The following ANKS1B variants were observed in gnomAD, a reference collection of about 807,000 sequenced individuals.
The protein encoded by ANKS1B is ankyrin repeat and sterile alpha motif domain-containing protein 1B.
A neutral mutation model predicts 148.3 loss-of-function variants in ANKS1B; 36 were observed. The observed-to-expected ratio is 0.24, with a 90% CI of 0.19 to 0.32. The LOEUF (loss-of-function observed/expected upper bound fraction) is 0.32, where lower values mean the gene tolerates loss of function less well. ANKS1B is among the 10% of genes least tolerant of loss of function. The pLI is 1.00. For missense variants in ANKS1B, 1,157 were observed against 1,542.6 expected (o/e 0.75, Z 4.19); for synonymous variants, 542 against 560.8 (o/e 0.97, Z 0.47).
chr12:99,131,895 C>T (rs2153750904), intron 15 of ANKS1B, among the ~76,000 whole-genome samples: 1 of 152,288 alleles, frequency 6.6e-6, no homozygotes, highest in East Asian at 1.9e-4. Context: ...CTGGGCTGCT[C>T]TCCCCCTGCC....
chr12:99,001,261 TAGCTGGGAGTATAGACCACCATGCTC>T (rs2099932822), intron 17 of ANKS1B, among the ~76,000 whole-genome samples: 2 of 152,186 alleles, frequency 1.3e-5, no homozygotes, highest in Non-Finnish European at 1.5e-5. Flanking sequence ...GTCTCCTGAG[TAGCTGGGAGTATAGACCACCATGCTC>T]AGCTAATTTT....
At chr12:99,780,285 T>C (rs2064127511) in intron 5 of ANKS1B, among the ~76,000 whole-genome samples, 1 of 152,160 alleles carries the variant, frequency 6.6e-6, no homozygotes, top group African/African-American at 2.4e-5. Flanking sequence ...ATGATATCTT[T>C]TTTTTTTTGA....
chr12:99,780,084 T>C (rs1482866253), intron 5 of ANKS1B, 112 bp from the exon 6 acceptor site: 4 of 772,156 alleles, frequency 5.2e-6, no homozygotes, highest in African/African-American at 1.8e-5. Flanking sequence ...GCATTGAAAG[T>C]GATTTTTAAA....
chr12:99,528,445 A>C (rs1443003747), intron 9 of ANKS1B, among the ~76,000 whole-genome samples: 17 of 146,472 alleles, frequency 1.2e-4, no homozygotes, highest in African/African-American at 4.0e-4. Context: ...AAAAAAAAAC[A>C]AAAAAAAAAC....
At chr12:99,013,535 A>G (rs1165203828) in intron 17 of ANKS1B, among the ~76,000 whole-genome samples, 2 of 152,216 alleles carry the variant, frequency 1.3e-5, no homozygotes, top group African/African-American at 2.4e-5. Context: ...AGAGGAAGAA[A>G]TAAAGCGCAT....
intron 9 of ANKS1B, among the ~76,000 whole-genome samples, chr12:99,566,021 T>C (rs2097389254): frequency 6.6e-6 from 1 of 152,172 alleles, no homozygotes; most frequent in African/African-American, 2.4e-5. Context: ...CTGAATACGC[T>C]GACATTTTGA....
At chr12:99,744,560 T>C (rs2060411835) in intron 8 of ANKS1B, among the ~76,000 whole-genome samples, 1 of 152,216 alleles carries the variant, frequency 6.6e-6, no homozygotes. Context: ...ATTCTTTTTT[T>C]ACTCTGCTTA....
chr12:99,113,646 G>T (rs1259723817), intron 15 of ANKS1B, among the ~76,000 whole-genome samples: 2 of 152,124 alleles, frequency 1.3e-5, no homozygotes. Context: ...TTTCACCTCT[G>T]CAATGTCTTG....
chr12:99,431,299 A>G (rs1292862501), intron 11 of ANKS1B, among the ~76,000 whole-genome samples: 3 of 152,200 alleles, frequency 2.0e-5, no homozygotes, highest in Non-Finnish European at 2.9e-5. Context: ...GGATTAAAGT[A>G]GACAGTGTGT....
chr12:99,212,327 C>T (rs539364691), intron 14 of ANKS1B, among the ~76,000 whole-genome samples: 4 of 150,486 alleles, frequency 2.7e-5, no homozygotes, highest in Middle Eastern at 3.2e-3. Flanking sequence ...TAATTTTTTT[C>T]GTACTTTTCC....
chr12:99,187,603 A>C (rs1164081985), intron 14 of ANKS1B, among the ~76,000 whole-genome samples: 1 of 152,230 alleles, frequency 6.6e-6, no homozygotes, highest in Non-Finnish European at 1.5e-5. Context: ...GAGCTTTAAA[A>C]GTGAAGGAGA....
intron 17 of ANKS1B, among the ~76,000 whole-genome samples, chr12:98,941,476 T>C (rs918660857): frequency 7.9e-5 from 12 of 152,354 alleles, no homozygotes; most frequent in East Asian, 1.9e-4. Flanking sequence ...CGCCTGGGCA[T>C]GTATGCATCA....
intron 1 of ANKS1B, among the ~76,000 whole-genome samples, chr12:99,873,715 A>G (rs1384003493): frequency 6.6e-6 from 1 of 152,168 alleles, no homozygotes; most frequent in Non-Finnish European, 1.5e-5. Context: ...GTACCCAGAT[A>G]TTTGATCAAA....
rs374950745 is a variant in ANKS1B, at chr12:99,055,108, C to G, written c.2626-1799G>C. On this transcript the variant is annotated intron_variant, in intron 16 of 26. Transcript: ENST00000683438. Reference sequence around the variant, plus strand: ...ATGTATAAGATCAGAGGCTAGGACCCAAAAGGGAGGCTCATAGATATTCGG... The same window carrying G: ...ATGTATAAGATCAGAGGCTAGGACCGAAAAGGGAGGCTCATAGATATTCGG... Among the ~76,000 whole-genome samples the G allele has an allele frequency of 6.6e-5, 10 of 152,228 alleles. No individual in the cohort carries two copies. The East Asian group carries it at 1.7e-3, about 26-fold the overall frequency.
intron 1 of ANKS1B, among the ~76,000 whole-genome samples, chr12:99,955,809 G>A (rs1603498878): frequency 1.3e-5 from 2 of 152,098 alleles, no homozygotes; most frequent in African/African-American, 4.8e-5. Context: ...CTTAAAAAAA[G>A]TATCCATAAA....
Position 99,404,034 on chromosome 12 carries a change from G to C in ANKS1B, c.1576-4223C>G, listed in dbSNP as rs751485713. ...AGATCATGTCCTTTTCAGGAACATGGTTGGAGACCGAGGCTATTATCCTTA... is the reference window on the plus strand; with the variant it reads ...AGATCATGTCCTTTTCAGGAACATGCTTGGAGACCGAGGCTATTATCCTTA... On this transcript the variant is annotated intron_variant, in intron 11 of 26. Coordinates refer to ENST00000683438, the MANE Select transcript of ANKS1B (RefSeq NM_001352186.2). Among the ~76,000 whole-genome samples the C allele has an allele frequency of 1.2e-4, 17 of 146,364 alleles. 3 individuals carry two copies. Among genetic ancestry groups the C allele is most frequent in the Non-Finnish European group, 2.1e-4 (14 of 66,244 alleles).
At chr12:98,861,850 T>C (rs1243828170) in intron 17 of ANKS1B, among the ~76,000 whole-genome samples, 1 of 152,198 alleles carries the variant, frequency 6.6e-6, no homozygotes, top group Admixed American at 6.5e-5. Flanking sequence ...AGCTCTGATA[T>C]GCTGCTTTTT....
At chr12:99,575,457 C>A (rs1018976866) in intron 9 of ANKS1B, among the ~76,000 whole-genome samples, 1 of 151,988 alleles carries the variant, frequency 6.6e-6, no homozygotes, top group African/African-American at 2.4e-5. Context: ...TAAAGACATA[C>A]CCAAGACTGG....
chr12:99,597,193 G>A (rs1462074830), intron 9 of ANKS1B, among the ~76,000 whole-genome samples: 1 of 151,532 alleles, frequency 6.6e-6, no homozygotes, highest in African/African-American at 2.4e-5. Flanking sequence ...CTTCTTAGTG[G>A]TCGTTATAAA....
Sources: allele counts gnomAD v4.1 joint callset (sites outside exome capture counted in the v4.1 genomes callset), GRCh38; gene constraint gnomAD v4.1.1; transcripts MANE v1.5; gene names NCBI Gene and HGNC (gene_info 2026-07-23, HGNC 2026-07-21).